Variants in VEGFC observed in about 807,000 individuals in gnomAD.
VEGFC encodes FLT4 ligand DHM.
A neutral mutation model predicts 46.1 loss-of-function variants in VEGFC; 12 were observed. The observed-to-expected ratio is 0.26, with a 90% CI of 0.17 to 0.42. The LOEUF is 0.42. Ranked by LOEUF, VEGFC falls within the 10% of genes least tolerant of loss-of-function variation. The pLI is 1.00. For synonymous variants in VEGFC, 232 were observed against 195.5 expected, an observed-to-expected ratio of 1.19 and a Z score of -1.56; for missense variants, 488 against 529.4, an observed-to-expected ratio of 0.92 and a Z score of 0.77.
chr4:176,736,351 T>C (rs1167323049), intron 1 of VEGFC, among the ~76,000 whole-genome samples: 1 of 151,830 alleles, frequency 6.6e-6, no homozygotes, highest in Non-Finnish European at 1.5e-5. Context: ...CCTATGCATA[T>C]AGGCCGATAT....
chr4:176,687,550 T>A, intron 5 of VEGFC, 30 bp from the exon 6 acceptor site: 1 of 1,515,618 alleles, frequency 6.6e-7, no homozygotes, highest in Non-Finnish European at 8.8e-7. Flanking sequence ...ATCTTTACTA[T>A]ACCTTACTTG....
intron 3 of VEGFC, among the ~76,000 whole-genome samples, chr4:176,712,186 T>A (rs1734631442): frequency 6.6e-6 from 1 of 152,174 alleles, no homozygotes; most frequent in Non-Finnish European, 1.5e-5. Flanking sequence ...TAGTTTTATA[T>A]GTCTTAGATC....
intron 3 of VEGFC, among the ~76,000 whole-genome samples, chr4:176,722,127 G>T (rs766301498): frequency 2.0e-5 from 3 of 151,038 alleles, no homozygotes; most frequent in Admixed American, 2.0e-4. Context: ...CCACCAATAG[G>T]ATAGAAAAAA....
intron 1 of VEGFC, among the ~76,000 whole-genome samples, chr4:176,767,444 T>G (rs1455051543): frequency 6.6e-6 from 1 of 152,210 alleles, no homozygotes; most frequent in Non-Finnish European, 1.5e-5. Flanking sequence ...GTGTGTGCAC[T>G]CTACAGTTAG....
At chr4:176,790,550 C>T (rs1736073142) in intron 1 of VEGFC, among the ~76,000 whole-genome samples, 1 of 151,776 alleles carries the variant, frequency 6.6e-6, no homozygotes, top group South Asian at 2.1e-4. Context: ...CACACACACA[C>T]TCAAGGTACA....
At chr4:176,773,844 T>G (rs979625705) in intron 1 of VEGFC, among the ~76,000 whole-genome samples, 1 of 152,134 alleles carries the variant, frequency 6.6e-6, no homozygotes, top group Non-Finnish European at 1.5e-5. Context: ...CTGGCTAATT[T>G]TTTTTAATTT....
At chr4:176,789,577 G>A (rs537089176) in intron 1 of VEGFC, among the ~76,000 whole-genome samples, 14 of 152,134 alleles carry the variant, frequency 9.2e-5, no homozygotes, top group African/African-American at 3.4e-4. Flanking sequence ...CTTCAGACTT[G>A]CTATTCTCTT....
intron 4 of VEGFC, among the ~76,000 whole-genome samples, chr4:176,692,133 G>A (rs113479381): frequency 0.22 from 33,193 of 149,876 alleles, 5,898 homozygotes; most frequent in African/African-American, 0.51. Context: ...GGTGGCTCAC[G>A]CCTGTAATCC....
chr4:176,784,855 T>C (rs1268948120), intron 1 of VEGFC, among the ~76,000 whole-genome samples: 2 of 151,626 alleles, frequency 1.3e-5, no homozygotes, highest in East Asian at 3.9e-4. Context: ...CATCTACTCA[T>C]TGTGCTACAA....
intron 4 of VEGFC, among the ~76,000 whole-genome samples, chr4:176,705,226 G>A (rs1012022339): frequency 6.6e-6 from 1 of 152,084 alleles, no homozygotes; most frequent in Non-Finnish European, 1.5e-5. Context: ...TACTACCAAG[G>A]AGGAAAATCT....
At chr4:176,774,159 A>C (rs971347072) in intron 1 of VEGFC, among the ~76,000 whole-genome samples, 5 of 152,112 alleles carry the variant, frequency 3.3e-5, no homozygotes, top group Admixed American at 2.0e-4. Flanking sequence ...TCAATAATAC[A>C]TATTATACAG....
At chr4:176,742,623 C>G (rs1179586489) in intron 1 of VEGFC, among the ~76,000 whole-genome samples, 1 of 151,976 alleles carries the variant, frequency 6.6e-6, no homozygotes, top group African/African-American at 2.4e-5. Flanking sequence ...TTCTGATTCT[C>G]AGCTTTCTTA....
intron 1 of VEGFC, among the ~76,000 whole-genome samples, chr4:176,766,364 T>C (rs373569474): frequency 3.0e-4 from 45 of 152,112 alleles, no homozygotes; most frequent in African/African-American, 9.9e-4. Context: ...TGCAGGAGGA[T>C]CAATTGAACC....
intron 1 of VEGFC, among the ~76,000 whole-genome samples, chr4:176,767,518 G>T (rs534963731): frequency 1.3e-5 from 2 of 152,098 alleles, no homozygotes; most frequent in Admixed American, 6.5e-5. Flanking sequence ...AGCACTATTC[G>T]CTCACCTTGC....
intron 1 of VEGFC, among the ~76,000 whole-genome samples, chr4:176,785,370 G>A (rs892178239): frequency 1.3e-5 from 2 of 152,114 alleles, no homozygotes; most frequent in Non-Finnish European, 2.9e-5. Context: ...TTTTAAACTT[G>A]TAAGTATTAC....
At chr4:176,702,378 C>T (rs1273063880) in intron 4 of VEGFC, among the ~76,000 whole-genome samples, 3 of 151,970 alleles carry the variant, frequency 2.0e-5, no homozygotes, top group Non-Finnish European at 4.4e-5. Context: ...CACCACGAGG[C>T]GACTGTCTTC....
At chr4:176,779,770 C>T (rs932484533) in intron 1 of VEGFC, among the ~76,000 whole-genome samples, 88 of 152,080 alleles carry the variant, frequency 5.8e-4, no homozygotes, top group African/African-American at 2.0e-3. Flanking sequence ...GGCTCCCTAT[C>T]GATTTAATTA....
intron 6 of VEGFC, among the ~76,000 whole-genome samples, chr4:176,686,743 C>G (rs1734049086): frequency 6.6e-6 from 1 of 152,028 alleles, no homozygotes; most frequent in Non-Finnish European, 1.5e-5. Flanking sequence ...CTAATTCTAT[C>G]AAATACTTAG....
intron 4 of VEGFC, among the ~76,000 whole-genome samples, chr4:176,692,864 C>T (rs1244411118): frequency 1.4e-5 from 2 of 146,378 alleles, no homozygotes; most frequent in African/African-American, 2.6e-5. Flanking sequence ...CCAGCAGGGG[C>T]ACACTGACAC....
Sources: allele counts gnomAD v4.1 joint callset (sites outside exome capture counted in the v4.1 genomes callset), GRCh38; gene constraint gnomAD v4.1.1; transcripts MANE v1.5; gene names NCBI Gene and HGNC (gene_info 2026-07-23, HGNC 2026-07-21).